ATL2: variants seen among roughly 807,000 people sequenced by gnomAD.
The protein encoded by ATL2 is atlastin GTPase 2.
A neutral mutation model predicts 73.9 loss-of-function variants in ATL2; 31 were observed. The observed-to-expected ratio is 0.42, with a 90% CI of 0.32 to 0.57. ATL2 has a LOEUF of 0.57. Among genes scored for constraint, ATL2 ranks in the 20% least tolerant of loss-of-function variants. ATL2 has a pLI of 0.14. For synonymous variants in ATL2, 291 were observed against 237.5 expected, an observed-to-expected ratio of 1.23 and a Z score of -2.07; for missense variants, 738 against 702.6, an observed-to-expected ratio of 1.05 and a Z score of -0.57.
At chr2:38,323,116 C>A (rs1668413112) in intron 2 of ATL2, among the ~76,000 whole-genome samples, 1 of 152,048 alleles carries the variant, frequency 6.6e-6, no homozygotes, top group Non-Finnish European at 1.5e-5. Context: ...TTAGTGGGAG[C>A]TAAAGGCAGC....
At position 38,367,701 on chromosome 2, in the gene ATL2, C is replaced by T. The variant is rs148082976; in HGVS notation, c.118+9442G>A. The stretch of plus-strand genomic sequence containing the variant: ...AGGCTGGAGTGCAATGGCGCGATCT[C>T]GGCTCACTGCCACCTCCGCCTCCAG... On this transcript the variant is annotated intron_variant, in intron 1 of 12. Coordinates refer to ENST00000378954, the MANE Select transcript of ATL2 (RefSeq NM_001135673.4). 6.6e-3 allele frequency among the ~76,000 whole-genome samples: 978 copies of T among 148,208 alleles called. 12 individuals carry two copies. Among genetic ancestry groups the T allele is most frequent in the East Asian group, 0.055 (272 of 4,942 alleles).
chr2:38,331,851 T>C (rs1669015804), intron 2 of ATL2, among the ~76,000 whole-genome samples: 1 of 151,714 alleles, frequency 6.6e-6, no homozygotes, highest in South Asian at 2.1e-4. Context: ...TATATAAATA[T>C]ATTTTATGTA....
intron 2 of ATL2, among the ~76,000 whole-genome samples, chr2:38,322,063 AGTT>A (rs1272352914): frequency 6.6e-6 from 1 of 152,170 alleles, no homozygotes; most frequent in Non-Finnish European, 1.5e-5. Flanking sequence ...ATGGTTTTGC[AGTT>A]TTTTTGTGAG....
chr2:38,363,804 C>T (rs1478805504), intron 1 of ATL2, among the ~76,000 whole-genome samples: 2 of 152,116 alleles, frequency 1.3e-5, no homozygotes, highest in African/African-American at 2.4e-5. Flanking sequence ...TTACTCTTAA[C>T]GGTTCTAACA....
At position 38,300,313 on chromosome 2, in the gene ATL2, A is replaced by T; in HGVS notation, c.1087T>A (p.Tyr363Asn). Residue 363 changes from tyrosine to asparagine, a missense_variant, in exon 10 of 13, where the codon TAT becomes AAT. Tyr to Asn is a moderately radical substitution (Grantham distance 143). Coordinates refer to ENST00000378954, the MANE Select transcript of ATL2 (RefSeq NM_001135673.4). ...VEYFKAYIKI[Y>N]QGEELPHPKS... Reference sequence around the variant, plus strand: ...GGATGTGGAAGTTCTTCTCCTTGATAGATTTTGATGTAAGCCTAAAAAGGG... The same window carrying T: ...GGATGTGGAAGTTCTTCTCCTTGATTGATTTTGATGTAAGCCTAAAAAGGG... The T allele has an allele frequency of 6.2e-7, 1 of 1,609,488 alleles. No individual in the cohort carries two copies. Among genetic ancestry groups the T allele is most frequent in the Non-Finnish European group, 8.5e-7 (1 of 1,176,108 alleles).
Position 38,310,441 on chromosome 2 carries a change from GTTT to G in ATL2, c.808_810del (p.Lys270del). On this transcript the variant is annotated inframe_deletion, in exon 8 of 13. Transcript: ENST00000378954. ...TTCTGAAGCTCTTCATGTTGATTTT[GTTT>G]TACCTGAGGGCGGAGAGAGACAGGT... The G allele has an allele frequency of 1.3e-6, 2 of 1,591,282 alleles. No homozygotes were observed. Among genetic ancestry groups the G allele is most frequent in the Non-Finnish European group, 1.7e-6 (2 of 1,171,608 alleles).
At chr2:38,328,622 T>A (rs1668802267) in intron 2 of ATL2, among the ~76,000 whole-genome samples, 1 of 151,882 alleles carries the variant, frequency 6.6e-6, no homozygotes, top group African/African-American at 2.4e-5. Flanking sequence ...TTAAAATATA[T>A]TGAACTAAAG....
At chr2:38,347,188 T>A (rs190107122) in intron 1 of ATL2, among the ~76,000 whole-genome samples, 27 of 152,364 alleles carry the variant, frequency 1.8e-4, no homozygotes, top group Admixed American at 1.3e-3. Flanking sequence ...TACCTTACCA[T>A]GGCTTCTATA....
At chr2:38,297,977 T>C (rs527764558) in intron 12 of ATL2, 167 bp downstream of exon 12, 17 of 674,918 alleles carry the variant, frequency 2.5e-5, no homozygotes, top group Non-Finnish European at 3.6e-5. Flanking sequence ...ATTATAACTT[T>C]AAAGAAAAAA....
At chr2:38,323,812 G>C (rs1197895754) in intron 2 of ATL2, among the ~76,000 whole-genome samples, 1 of 152,162 alleles carries the variant, frequency 6.6e-6, no homozygotes, top group East Asian at 1.9e-4. Flanking sequence ...CTGGGCTCAA[G>C]TGATCAAAGG....
intron 1 of ATL2, among the ~76,000 whole-genome samples, chr2:38,345,703 A>G (rs115369073): frequency 6.6e-6 from 1 of 152,338 alleles, no homozygotes; most frequent in Non-Finnish European, 1.5e-5. Flanking sequence ...TTCTAAATTA[A>G]CGTCTCATTA....
intron 2 of ATL2, among the ~76,000 whole-genome samples, chr2:38,338,659 T>C (rs1048957803): frequency 8.5e-5 from 13 of 152,104 alleles, no homozygotes; most frequent in African/African-American, 3.1e-4. Context: ...TTCCCTGTTC[T>C]TTGAGGTTGG....
chr2:38,335,289 C>T (rs1003719779), intron 2 of ATL2, among the ~76,000 whole-genome samples: 2 of 149,880 alleles, frequency 1.3e-5, no homozygotes, highest in Admixed American at 6.7e-5. Context: ...AAAGACTTTA[C>T]AAAAATGTTC....
At chr2:38,299,414 A>C in intron 10 of ATL2, 87 bp from the exon 11 acceptor site, 1 of 1,303,190 alleles carries the variant, frequency 7.7e-7, no homozygotes, top group Non-Finnish European at 1.0e-6. Context: ...TGTACAATAA[A>C]CAAGTCTGAA....
intron 2 of ATL2, among the ~76,000 whole-genome samples, chr2:38,337,449 G>A (rs1669427815): frequency 9.1e-6 from 1 of 109,834 alleles, no homozygotes; most frequent in South Asian, 3.3e-4. Context: ...TCACATCACT[G>A]CACTCCAACC....
intron 1 of ATL2, among the ~76,000 whole-genome samples, chr2:38,361,545 G>C (rs1671016405): frequency 6.6e-6 from 1 of 152,048 alleles, no homozygotes; most frequent in African/African-American, 2.4e-5. Context: ...AAGGGTAAAA[G>C]AGAAAGGTTA....
At chr2:38,334,993 G>A (rs946443538) in intron 2 of ATL2, among the ~76,000 whole-genome samples, 1 of 55,440 alleles carries the variant, frequency 1.8e-5, no homozygotes, top group African/African-American at 4.3e-5. Flanking sequence ...ATTAAATCTG[G>A]CAAATAGTTT....
intron 2 of ATL2, among the ~76,000 whole-genome samples, chr2:38,340,057 T>C (rs1272780293): frequency 6.6e-6 from 1 of 151,204 alleles, no homozygotes; most frequent in African/African-American, 2.4e-5. Flanking sequence ...AAAGTTATAA[T>C]GTTAACAAAA....
At chr2:38,296,990 T>G (rs1226288878) in intron 12 of ATL2, among the ~76,000 whole-genome samples, 1 of 152,172 alleles carries the variant, frequency 6.6e-6, no homozygotes, top group African/African-American at 2.4e-5. Context: ...AAAAGTGAAG[T>G]TGCGATAGCT....
Sources: gnomAD v4.1 joint callset for allele counts (sites outside exome capture counted in the v4.1 genomes callset) on GRCh38, gnomAD v4.1.1 for gene constraint, MANE v1.5 for transcripts, NCBI Gene and HGNC (gene_info 2026-07-23, HGNC 2026-07-21) for gene names.